TMCC1: variants seen among roughly 807,000 people sequenced by gnomAD.
The protein encoded by TMCC1 is transmembrane and coiled-coil domain family 1, also known as transmembrane and coiled-coil domains protein 1.
A neutral mutation model predicts 52.4 loss-of-function variants in TMCC1; 15 were observed. That is an observed-to-expected ratio of 0.29 (90% CI 0.19 to 0.44). TMCC1 has a LOEUF of 0.44. TMCC1 is among the 20% of genes least tolerant of loss of function. The pLI is 1.00. For missense variants in TMCC1, 503 were observed against 806.0 expected, an observed-to-expected ratio of 0.62 and a Z score of 4.55; for synonymous variants, 279 against 301.9, an observed-to-expected ratio of 0.92 and a Z score of 0.79.
chr3:129,687,486 T>C (rs1255603040), intron 4 of TMCC1, among the ~76,000 whole-genome samples: 3 of 152,192 alleles, frequency 2.0e-5, no homozygotes, highest in Non-Finnish European at 1.5e-5. Context: ...CTTATCTTTT[T>C]TGAGGTCCAT....
chr3:129,842,340 C>T (rs950346667), intron 2 of TMCC1, among the ~76,000 whole-genome samples: 11 of 152,116 alleles, frequency 7.2e-5, no homozygotes, highest in African/African-American at 2.7e-4. Context: ...GTGACATGCA[C>T]CTGTAGTCCC....
intron 4 of TMCC1, among the ~76,000 whole-genome samples, chr3:129,709,497 A>AAAAAAAG (rs554837910): frequency 1.6e-5 from 1 of 64,030 alleles, no homozygotes; most frequent in African/African-American, 6.7e-5. Context: ...AAAAAAAAAA[A>AAAAAAAG]AGAGAGAGAG....
At chr3:129,817,542 G>A (rs1483025254) in intron 4 of TMCC1, among the ~76,000 whole-genome samples, 1 of 152,136 alleles carries the variant, frequency 6.6e-6, no homozygotes, top group East Asian at 1.9e-4. Flanking sequence ...ATTATCCAAA[G>A]GGAAATAAAT....
intron 4 of TMCC1, among the ~76,000 whole-genome samples, chr3:129,767,594 A>C (rs1196000658): frequency 1.3e-5 from 2 of 152,166 alleles, no homozygotes; most frequent in Non-Finnish European, 2.9e-5. Flanking sequence ...GGCTACGGTT[A>C]ATTTTAGAAT....
chr3:129,826,896 G>A (rs749517500), intron 4 of TMCC1, among the ~76,000 whole-genome samples: 2 of 152,092 alleles, frequency 1.3e-5, no homozygotes, highest in African/African-American at 2.4e-5. Flanking sequence ...TAACTTACAA[G>A]GCAGACCTAG....
At position 129,671,156 on chromosome 3, in the gene TMCC1, G is replaced by A. The variant is rs1247681150; in HGVS notation, c.685C>T (p.Arg229Cys). ...AGGTGAGCAATGGCAGCCTTTGTGC[G>A]CTGAGGGTCTGGTGTTCCATCCACA... ...DSVDGTPDPQ[R>C]TKAAIAHLQQ... is the part of the protein sequence containing the mutation. The change falls in exon 5 of 7, where the codon CGC becomes TGC. Residue 229 changes from arginine to cysteine, a missense_variant. Transcript: ENST00000393238. 4 of 1,614,140 alleles carry A rather than the reference G, an allele frequency of 2.5e-6. No homozygotes were observed. Among genetic ancestry groups the A allele is most frequent in the East Asian group, 2.2e-5 (1 of 44,880 alleles).
intron 4 of TMCC1, among the ~76,000 whole-genome samples, chr3:129,737,651 G>C (rs1438821474): frequency 6.6e-6 from 1 of 152,094 alleles, no homozygotes; most frequent in Non-Finnish European, 1.5e-5. Flanking sequence ...ATAAATTTCT[G>C]TTGTTTTTAA....
At chr3:129,834,091 A>G (rs1331781335) in intron 2 of TMCC1, among the ~76,000 whole-genome samples, 1 of 152,242 alleles carries the variant, frequency 6.6e-6, no homozygotes, top group Non-Finnish European at 1.5e-5. Context: ...TGCAATTACC[A>G]TTAAAAGTCA....
chr3:129,741,019 C>G (rs1020832999), intron 4 of TMCC1, among the ~76,000 whole-genome samples: 2 of 152,168 alleles, frequency 1.3e-5, no homozygotes, highest in Non-Finnish European at 2.9e-5. Flanking sequence ...ATACCTTAAG[C>G]TTTCATATGT....
At chr3:129,759,709 ACTTTTTTTTTTT>A (rs1253258389) in intron 4 of TMCC1, among the ~76,000 whole-genome samples, 6 of 98,358 alleles carry the variant, frequency 6.1e-5, no homozygotes, top group African/African-American at 2.4e-4. Flanking sequence ...AGCCAGCCAA[ACTTTTTTTTTTT>A]TTTTTTTTTT....
chr3:129,807,779 T>C (rs1255239883), intron 4 of TMCC1, among the ~76,000 whole-genome samples: 1 of 152,172 alleles, frequency 6.6e-6, no homozygotes, highest in South Asian at 2.1e-4. Flanking sequence ...GTAAAATAAA[T>C]TTTGGAATGG....
chr3:129,671,077 C>T lies in TMCC1; in HGVS notation c.764G>A (p.Arg255Gln), dbSNP rs138263570. The T allele has an allele frequency of 9.3e-6, 15 of 1,614,134 alleles. No individual in the cohort carries two copies. In the East Asian group the frequency reaches 1.1e-4, roughly 12 times the overall value. ...TEQIKIAQTA[R>Q]DDNVAEYLKL... Reference sequence around the variant, plus strand: ...CAAGTATTCAGCAACGTTGTCGTCCCGGGCTGTTTGTGCAATCTTGATTTG... The same window carrying T: ...CAAGTATTCAGCAACGTTGTCGTCCTGGGCTGTTTGTGCAATCTTGATTTG... The change falls in exon 5 of 7, where the codon CGG becomes CAG. Residue 255 changes from arginine to glutamine, a missense_variant. Coordinates refer to ENST00000393238, the MANE Select transcript of TMCC1 (RefSeq NM_001017395.5).
chr3:129,758,641 C>T (rs1231863454), intron 4 of TMCC1, among the ~76,000 whole-genome samples: 1 of 152,078 alleles, frequency 6.6e-6, no homozygotes, highest in Non-Finnish European at 1.5e-5. Flanking sequence ...TTATGTCTTC[C>T]CAAATGAACA....
chr3:129,726,429 G>T (rs1458608470), intron 4 of TMCC1, among the ~76,000 whole-genome samples: 1 of 151,962 alleles, frequency 6.6e-6, no homozygotes, highest in African/African-American at 2.4e-5. Context: ...CTACAATACG[G>T]TCTCGCTCTA....
Position 129,861,136 on chromosome 3 carries a change from A to G in TMCC1, c.-184+19173T>C, listed in dbSNP as rs374757130. 4.6e-5 allele frequency: 7 copies of G among 152,330 alleles called. No individual in the cohort carries two copies. In the East Asian group the frequency reaches 1.4e-3, roughly 29 times the overall value. 9.4% of individuals were successfully genotyped at this position (152,330 alleles called of 1,614,324 possible). On this transcript the variant is annotated intron_variant, in intron 2 of 6. Coordinates refer to ENST00000393238, the MANE Select transcript of TMCC1 (RefSeq NM_001017395.5). The stretch of plus-strand genomic sequence containing the variant: ...AGGTAAGCAGAAACACAAAATAATT[A>G]TTAAAGAATTATTACTTACGGTGGC...
At chr3:129,662,055 T>C (rs1277706092) in intron 5 of TMCC1, among the ~76,000 whole-genome samples, 1 of 152,042 alleles carries the variant, frequency 6.6e-6, no homozygotes, top group Non-Finnish European at 1.5e-5. Context: ...GGAAGATACA[T>C]GTTTTATAGA....
At chr3:129,883,257 A>T (rs2061545906) in intron 1 of TMCC1, among the ~76,000 whole-genome samples, 1 of 152,074 alleles carries the variant, frequency 6.6e-6, no homozygotes, top group South Asian at 2.1e-4. Flanking sequence ...GGTTGCAGTG[A>T]GCTGAGATCG....
chr3:129,712,653 CTG>C (rs1191327227), intron 4 of TMCC1, among the ~76,000 whole-genome samples: 1 of 151,932 alleles, frequency 6.6e-6, no homozygotes, highest in Non-Finnish European at 1.5e-5. Context: ...GAGACTCACT[CTG>C]TGGCCCAGGC....
chr3:129,767,712 T>TCTA (rs2054244868), intron 4 of TMCC1, among the ~76,000 whole-genome samples: 1 of 152,220 alleles, frequency 6.6e-6, no homozygotes, highest in South Asian at 2.1e-4. Context: ...TCTCTAGATT[T>TCTA]GCCTATTCTG....
Sources: allele counts gnomAD v4.1 joint callset (sites outside exome capture counted in the v4.1 genomes callset), GRCh38; gene constraint gnomAD v4.1.1; transcripts MANE v1.5; gene names NCBI Gene and HGNC (gene_info 2026-07-23, HGNC 2026-07-21).